Variants in PHF7 observed in about 807,000 individuals in gnomAD.
PHF7 encodes E3 ubiquitin-protein ligase PHF7.
Under a neutral mutation model 47.5 loss-of-function variants are expected in PHF7, and 24 were observed. That is an observed-to-expected ratio of 0.51 (90% CI 0.37 to 0.71). PHF7 has a LOEUF of 0.71. Among genes scored for constraint, PHF7 ranks in the 30% least tolerant of loss-of-function variants. PHF7 has a pLI of 0.00. For synonymous variants in PHF7, 156 were observed against 153.8 expected (o/e 1.01, Z -0.11); for missense variants, 361 against 456.8 (o/e 0.79, Z 1.91).
chr3:52,420,164 C>T lies in PHF7; in HGVS notation c.289-147C>T, dbSNP rs1705742970. 3 of 925,680 alleles carry T rather than the reference C, an allele frequency of 3.2e-6. 1 individual carries two copies. In the East Asian group the frequency reaches 7.2e-5, roughly 22 times the overall value. 57.3% of individuals were successfully genotyped at this position (925,680 alleles called of 1,614,324 possible). ...GAACTCAGTGCTGCTTGAAGCTCAG[C>T]TTCCGGGTGCCCCAGAGCATTCAGG... On this transcript the variant is annotated intron_variant, in intron 5 of 10. Coordinates refer to ENST00000327906, the MANE Select transcript of PHF7 (RefSeq NM_016483.7).
chr3:52,413,614 C>T (rs536419452), intron 2 of PHF7, among the ~76,000 whole-genome samples: 2 of 152,286 alleles, frequency 1.3e-5, no homozygotes, highest in African/African-American at 4.8e-5. Flanking sequence ...GCGGGTGGAT[C>T]ACCTGAGGTC....
chr3:52,422,334 GA>G lies in PHF7; in HGVS notation c.795del (p.Arg267GlyfsTer86). On this transcript the variant is annotated frameshift_variant, in exon 9 of 11. Transcript: ENST00000327906. LOFTEE classifies it high-confidence loss of function. ...YEQGRDSFED[E>X]GRWCLILCAT... Reference sequence around the variant, plus strand: ...ACAAGGCAGAGACAGCTTTGAGGATGAAGGGTAGGGGAAGGCTTCTGGCTAG... The same window carrying G: ...ACAAGGCAGAGACAGCTTTGAGGATGAGGGTAGGGGAAGGCTTCTGGCTAG... The G allele has an allele frequency of 6.3e-7, 1 of 1,591,878 alleles. No individual in the cohort carries two copies. The highest frequency in any genetic ancestry group is 1.3e-5 in the African/African-American group (1 of 74,652).
At position 52,421,080 on chromosome 3, in the gene PHF7, C is replaced by G; in HGVS notation, c.573+18C>G. 6.3e-7 allele frequency: 1 copy of G among 1,587,202 alleles called. No individual in the cohort carries two copies. The highest frequency in any genetic ancestry group is 8.6e-7 in the Non-Finnish European group (1 of 1,166,414). ...GCATACAGGTGGGGCTTTTTCCGCC[C>G]TGGGTCCCTTCCACCATTGCCCTAG... On this transcript the variant is annotated intron_variant, in intron 7 of 10. Coordinates refer to ENST00000327906, the MANE Select transcript of PHF7 (RefSeq NM_016483.7).
At chr3:52,422,633 C>A in intron 9 of PHF7, 127 bp from the exon 10 acceptor site, 1 of 990,754 alleles carries the variant, frequency 1.0e-6, no homozygotes, top group Non-Finnish European at 1.6e-6. Flanking sequence ...AGCACTCATC[C>A]TCTCTGAGCC....
rs1578238554 is a variant in PHF7 at position 52,414,316 on chromosome 3, A to C, written c.95-180A>C. ...TGGCCAACTTTTTCATTGTAACCAG[A>C]ATTATGTGACAGACTAATTGATACC... On this transcript the variant is annotated intron_variant, in intron 3 of 10. Coordinates refer to ENST00000327906, the MANE Select transcript of PHF7 (RefSeq NM_016483.7). Among the ~76,000 whole-genome samples the C allele has an allele frequency of 2.0e-5, 3 of 152,322 alleles. No homozygotes were observed. The Middle Eastern group carries it at 0.01, about 518-fold the overall frequency.
chr3:52,413,524 G>A (rs1160673326), intron 2 of PHF7, among the ~76,000 whole-genome samples: 1 of 152,142 alleles, frequency 6.6e-6, no homozygotes, highest in Non-Finnish European at 1.5e-5. Flanking sequence ...CAGTGAGTAT[G>A]TTTTGCACTT....
At chr3:52,422,544 A>G in intron 9 of PHF7, 1 of 650,914 alleles carries the variant, frequency 1.5e-6, no homozygotes, top group Non-Finnish European at 2.7e-6. Context: ...CCTTGTGCCC[A>G]GTGGAGAGAC....
At position 52,410,883 on chromosome 3, in the gene PHF7, G is replaced by C. The variant is rs1705402697; in HGVS notation, c.-434G>C. The C allele has an allele frequency of 2.6e-5, 4 of 152,316 alleles. No individual in the cohort carries two copies. The highest frequency in any genetic ancestry group is 2.6e-4 in the Admixed American group (4 of 15,290). The allele number at this position is 152,316 out of a possible 1,614,324, so 9.4% of individuals were successfully genotyped here. A position where few individuals can be genotyped will look rare whatever the true frequency, so the allele number is the denominator to read the frequency against. ...GCAGGCGCGACATGAGCCTGGTCTG[G>C]CATCCGCGGGATGCTCCTTAAGCCC... On this transcript the variant is annotated 5_prime_UTR_variant, in exon 1 of 11. Transcript: ENST00000327906.
At chr3:52,422,972 G>C (rs552893157) in intron 10 of PHF7, 91 bp downstream of exon 10, 1 of 1,568,318 alleles carries the variant, frequency 6.4e-7, no homozygotes, top group East Asian at 2.2e-5. Context: ...TCCCACCAGA[G>C]GGGGATTAAT....
Position 52,422,225 on chromosome 3 carries a change from T to C in PHF7, c.684T>C (p.Asp228=). 6.2e-7 allele frequency: 1 copy of C among 1,606,938 alleles called. No individual in the cohort carries two copies. Among genetic ancestry groups the C allele is most frequent in the African/African-American group, 1.3e-5 (1 of 74,908 alleles). The change falls in exon 9 of 11, where the codon GAT becomes GAC. Residue 228 remains aspartate (D), a synonymous_variant. Transcript: ENST00000327906. ...ACTGTTTCTTCTCCCACTGCAGAGA[T>C]GCTGCCTGGGAACTCGAGCCAGGGG... ...LRMGIHIPDR[D]AAWELEPGAF... is the part of the protein sequence containing the mutation.
In PHF7 at chr3:52,423,384, G is replaced by GA; in HGVS notation, c.*68dup. On this transcript the variant is annotated 3_prime_UTR_variant, in exon 11 of 11. Coordinates refer to ENST00000327906, the MANE Select transcript of PHF7 (RefSeq NM_016483.7). ...GCTGCGCTCCTCCATCGGGTTTGGG[G>GA]AGGGAGCACTCTGGGACTGTGAGAC... 6 of 1,009,098 alleles carry GA rather than the reference G, an allele frequency of 5.9e-6. No individual in the cohort carries two copies. Among genetic ancestry groups the GA allele is most frequent in the Non-Finnish European group, 9.1e-6 (6 of 657,794 alleles). The allele number at this position is 1,009,098 out of a possible 1,614,324, so 62.5% of individuals were successfully genotyped here.
In PHF7 at chr3:52,414,511, T is replaced by C; in HGVS notation, c.110T>C (p.Leu37Pro). The change falls in exon 4 of 11, where the codon CTT (leucine) becomes CCT (proline). Residue 37 changes from leucine (L) to proline (P), a missense_variant. Physicochemically the swap from Leu to Pro is moderately conservative, Grantham distance 98. Transcript: ENST00000327906. ...PSSGPVCWLC[L>P]REPGDPEKLG... ...TCTCTTCCAGTTTGCTGGCTATGCC[T>C]TCGAGAACCTGGGGATCCCGAAAAA... 6.2e-7 allele frequency: 1 copy of C among 1,611,094 alleles called. No individual in the cohort carries two copies. Among genetic ancestry groups the C allele is most frequent in the Non-Finnish European group, 8.5e-7 (1 of 1,177,742 alleles).
At chr3:52,421,601 T>C in intron 7 of PHF7, 47 bp from the exon 8 acceptor site, 2 of 1,073,966 alleles carry the variant, frequency 1.9e-6, no homozygotes, top group Non-Finnish European at 1.5e-6. Context: ...AAGAAGGTAG[T>C]CAAAGGGTTT....
In PHF7 at chr3:52,414,041, A is replaced by G; in HGVS notation, c.87A>G (p.Ser29=). The change falls in exon 3 of 11, where the codon TCA becomes TCG. Residue 29 remains serine, a synonymous_variant. Coordinates refer to ENST00000327906, the MANE Select transcript of PHF7 (RefSeq NM_016483.7). ...TRRVTQRKPS[S]GPVCWLCLRE... The stretch of plus-strand genomic sequence containing the variant: ...GGGTAACCCAGAGGAAACCGTCTTC[A>G]GGGCCTGGTAAGAAAGACTGGAGCT... 6.2e-7 allele frequency: 1 copy of G among 1,610,640 alleles called. No homozygotes were observed. The highest frequency in any genetic ancestry group is 8.5e-7 in the Non-Finnish European group (1 of 1,176,790).
At chr3:52,414,628 T>C (rs777114041) in intron 4 of PHF7, 41 bp downstream of exon 4, 6 of 1,141,844 alleles carry the variant, frequency 5.3e-6, no homozygotes, top group Non-Finnish European at 5.3e-6. Context: ...TCCTATGGCT[T>C]TTGGTGTACT....
intron 4 of PHF7, among the ~76,000 whole-genome samples, chr3:52,419,258 C>G (rs1705711474): frequency 6.6e-6 from 1 of 152,130 alleles, no homozygotes; most frequent in Admixed American, 6.6e-5. Context: ...GTCGCATCAT[C>G]TCTCCTATAA....
At chr3:52,421,095 C>T (rs1430723868) in intron 7 of PHF7, 33 bp downstream of exon 7, 1 of 1,567,924 alleles carries the variant, frequency 6.4e-7, no homozygotes, top group Non-Finnish European at 8.7e-7. Flanking sequence ...TCCCTTCCAC[C>T]ATTGCCCTAG....
intron 2 of PHF7, 145 bp downstream of exon 2, chr3:52,413,065 T>A: frequency 1.5e-6 from 1 of 673,126 alleles, no homozygotes; most frequent in East Asian, 2.7e-5. Context: ...CTGTCATACC[T>A]GTCTTACCAG....
At chr3:52,412,761 T>C (rs1705491075) in intron 1 of PHF7, 50 bp from the exon 2 acceptor site, 1 of 830,980 alleles carries the variant, frequency 1.2e-6, no homozygotes, top group Non-Finnish European at 2.0e-6. Flanking sequence ...GGGAACTTGA[T>C]AACCAAATAC....
Sources: allele counts gnomAD v4.1 joint callset (sites outside exome capture counted in the v4.1 genomes callset), GRCh38; gene constraint gnomAD v4.1.1; transcripts MANE v1.5; gene names NCBI Gene and HGNC (gene_info 2026-07-23, HGNC 2026-07-21).